Variants in FBH1 observed in about 807,000 individuals in gnomAD.
The protein encoded by FBH1 is DNA 3'-5' helicase 1.
A neutral mutation model predicts 115.5 loss-of-function variants in FBH1; 43 were observed. The ratio of observed to expected loss-of-function variants is 0.37; its 90% CI spans 0.29 to 0.48. FBH1 has a LOEUF of 0.48. FBH1 is among the 20% of genes least tolerant of loss of function. FBH1 has a pLI of 0.99. For missense variants in FBH1, 1,001 were observed against 1,337.3 expected (o/e 0.75, Z 3.92); for synonymous variants, 524 against 507.8 (o/e 1.03, Z -0.43).
chr10:5,894,964 A>T, intron 1 of FBH1: 2 of 1,498,194 alleles, frequency 1.3e-6, no homozygotes, highest in South Asian at 1.3e-5. Context: ...ATTCCTGCGA[A>T]GTGCTTCCTG....
rs952644621 is a variant in FBH1, at chr10:5,914,373, C to A, written c.1396+104C>A. ...GGGCATCTTTGCTCTGATCTGTCAT[C>A]CAACTAATAATTCAATAACAGATCA... On this transcript the variant is annotated intron_variant, in intron 8 of 20. Transcript: ENST00000362091. The surrounding 1 kb of genome is among the most constrained non-coding windows in gnomAD (Gnocchi z 5.2). 3 of 930,352 alleles carry A rather than the reference C, an allele frequency of 3.2e-6. No individual in the cohort carries two copies. The highest frequency in any genetic ancestry group is 1.6e-5 in the African/African-American group (1 of 60,646). 57.6% of individuals were successfully genotyped at this position (930,352 alleles called of 1,614,324 possible).
intron 1 of FBH1, among the ~76,000 whole-genome samples, chr10:5,893,579 G>T (rs533088713): frequency 2.0e-5 from 3 of 152,224 alleles, no homozygotes; most frequent in African/African-American, 7.2e-5. Flanking sequence ...CCGCCTTACT[G>T]AATCCCATGA....
intron 13 of FBH1, among the ~76,000 whole-genome samples, chr10:5,919,260 C>G (rs1190195627): frequency 6.6e-6 from 1 of 152,132 alleles, no homozygotes; most frequent in Non-Finnish European, 1.5e-5. Context: ...CCAAGAAGGA[C>G]AGATCACTTG....
At chr10:5,899,844 A>G (rs1843232601) in intron 1 of FBH1, among the ~76,000 whole-genome samples, 1 of 152,262 alleles carries the variant, frequency 6.6e-6, no homozygotes, top group African/African-American at 2.4e-5. Context: ...TTTTAAAAAG[A>G]GAACAACAAG....
chr10:5,919,886 A>G (rs1487665898), intron 13 of FBH1, among the ~76,000 whole-genome samples: 1 of 152,200 alleles, frequency 6.6e-6, no homozygotes, highest in African/African-American at 2.4e-5. Flanking sequence ...GAGTTCCCAT[A>G]TATCCTGTAC....
At position 5,911,082 on chromosome 10, in the gene FBH1, G is replaced by C. The variant is rs762327572; in HGVS notation, c.1165G>C (p.Val389Leu). Residue 389 changes from valine to leucine, a missense_variant, in exon 6 of 21, where the codon GTG (valine) becomes CTG (leucine). Physicochemically the swap from Val to Leu is conservative, Grantham distance 32. This residue lies in a region of FBH1 where 59 missense variants were observed against 79.7 expected (regional missense o/e 0.74). Coordinates refer to ENST00000362091, the MANE Select transcript of FBH1 (RefSeq NM_178150.3). The surrounding 1 kb of genome is among the most constrained non-coding windows in gnomAD (Gnocchi z 5.4). ...DVTETLYCIA[V>L]LLYAMREKGI... ...CACCGAGACCCTGTACTGCATAGCC[G>C]TGCTTCTCTACGCCATGAGGGAGAA... 48 of 1,613,436 alleles carry C rather than the reference G, an allele frequency of 3.0e-5. No individual in the cohort carries two copies. Among genetic ancestry groups the C allele is most frequent in the Admixed American group, 6.7e-5 (4 of 59,976 alleles).
In FBH1 at chr10:5,927,429, G is replaced by T. The variant is rs970204662; in HGVS notation, c.2723-6G>T. On this transcript the variant is annotated splice_region_variant and splice_polypyrimidine_tract_variant and intron_variant, in intron 18 of 20. Transcript: ENST00000362091. Reference sequence around the variant, plus strand: ...AGTTGATTTTTTTCCCCTTTACTTTGTTTAGAGTCATTTTCTGAGGATGAA... The same window carrying T: ...AGTTGATTTTTTTCCCCTTTACTTTTTTTAGAGTCATTTTCTGAGGATGAA... 2 of 1,606,056 alleles carry T rather than the reference G, an allele frequency of 1.2e-6. No homozygotes were observed. Among genetic ancestry groups the T allele is most frequent in the South Asian group, 2.2e-5 (2 of 89,838 alleles).
rs1832147272 is a variant in FBH1 at position 5,918,959 on chromosome 10, C to T, written c.2100+481C>T. Among the ~76,000 whole-genome samples, 1 of 152,224 alleles carries T rather than the reference C, an allele frequency of 6.6e-6. No homozygotes were observed. Among genetic ancestry groups the T allele is most frequent in the Non-Finnish European group, 1.5e-5 (1 of 68,038 alleles). On this transcript the variant is annotated intron_variant, in intron 13 of 20. Transcript: ENST00000362091. This position sits in a 1 kb window ranked among gnomAD's most constrained non-coding sequence, Gnocchi z 4.0. Reference sequence around the variant, plus strand: ...GATTATGCGAAAAGTTTATTATGCGCTCCTTCCTTTCCAATCACATGTCTG... The same window carrying T: ...GATTATGCGAAAAGTTTATTATGCGTTCCTTCCTTTCCAATCACATGTCTG...
At position 5,906,758 on chromosome 10, in the gene FBH1, C is replaced by T; in HGVS notation, c.753+126C>T. 2 of 769,324 alleles carry T rather than the reference C, an allele frequency of 2.6e-6. No homozygotes were observed. Among genetic ancestry groups the T allele is most frequent in the Non-Finnish European group, 4.1e-6 (2 of 486,674 alleles). The allele number at this position is 769,324 out of a possible 1,614,324, so 47.7% of individuals were successfully genotyped here. ...TTGCCTTCAGAAGACATTCAGACTC[C>T]TTAGAGGCATTTAAGGCCTTCCGTG... On this transcript the variant is annotated intron_variant, in intron 3 of 20. Coordinates refer to ENST00000362091, the MANE Select transcript of FBH1 (RefSeq NM_178150.3). This position sits in a 1 kb window ranked among gnomAD's most constrained non-coding sequence, Gnocchi z 7.3.
In FBH1 at chr10:5,896,463, G is replaced by A. The variant is rs532215738; in HGVS notation, c.1+6117G>A. 3.9e-5 allele frequency among the ~76,000 whole-genome samples: 6 copies of A among 152,286 alleles called. No individual in the cohort carries two copies. In the East Asian group the frequency reaches 5.8e-4, roughly 15 times the overall value. On this transcript the variant is annotated intron_variant, in intron 1 of 20. Coordinates refer to ENST00000362091, the MANE Select transcript of FBH1 (RefSeq NM_178150.3). ...AGAGAAGTCACACTGTTAGAAAGCC[G>A]TCACAGAAAAGGCAGTGTGGGAATG...
chr10:5,893,135 A>G (rs144156168), intron 1 of FBH1, among the ~76,000 whole-genome samples: 3 of 152,278 alleles, frequency 2.0e-5, no homozygotes, highest in East Asian at 1.9e-4. Flanking sequence ...GTGAAATCCT[A>G]TCTCTACTAA....
intron 1 of FBH1, among the ~76,000 whole-genome samples, chr10:5,901,061 TGCTCCA>T (rs2131872877): frequency 6.6e-6 from 1 of 152,128 alleles, no homozygotes; most frequent in Non-Finnish European, 1.5e-5. Context: ...TGTGTCACTG[TGCTCCA>T]GCCTAAGCAA....
chr10:5,917,334 G>C lies in FBH1; in HGVS notation c.1789-86G>C. On this transcript the variant is annotated intron_variant, in intron 10 of 20. Transcript: ENST00000362091. The surrounding 1 kb of genome is among the most constrained non-coding windows in gnomAD (Gnocchi z 5.6). The stretch of plus-strand genomic sequence containing the variant: ...TCTGTGAGGATGCCCTGGCTCCACT[G>C]CTGTATGGGAGTTGACAGTGTGACC... The C allele has an allele frequency of 1.8e-6, 2 of 1,111,534 alleles. No homozygotes were observed. Among genetic ancestry groups the C allele is most frequent in the Non-Finnish European group, 2.7e-6 (2 of 738,894 alleles). 68.9% of individuals were successfully genotyped at this position (1,111,534 alleles called of 1,614,324 possible). A position where few individuals can be genotyped will look rare whatever the true frequency, so the allele number is the denominator to read the frequency against.
At chr10:5,898,443 C>T (rs1394805335) in intron 1 of FBH1, among the ~76,000 whole-genome samples, 1 of 151,086 alleles carries the variant, frequency 6.6e-6, no homozygotes, top group East Asian at 1.9e-4. Flanking sequence ...CACAATCTCT[C>T]TCCATTGTCC....
At chr10:5,937,029 A>T in intron 20 of FBH1, 81 bp from the exon 21 acceptor site, 2 of 1,463,076 alleles carry the variant, frequency 1.4e-6, no homozygotes, top group East Asian at 2.3e-5. Flanking sequence ...GGCAGCTGTG[A>T]TGATAACTCC....
In FBH1 at chr10:5,911,182, C is replaced by A; in HGVS notation, c.1211+54C>A. 1 of 1,540,270 alleles carries A rather than the reference C, an allele frequency of 6.5e-7. No individual in the cohort carries two copies. The highest frequency in any genetic ancestry group is 8.8e-7 in the Non-Finnish European group (1 of 1,133,618). ...GCTGTGATAATGGGAGAGTCCCAGA[C>A]ACAGCAGCAGGTCCAGCCCTGCCAC... On this transcript the variant is annotated intron_variant, in intron 6 of 20. Coordinates refer to ENST00000362091, the MANE Select transcript of FBH1 (RefSeq NM_178150.3). The surrounding 1 kb of genome is among the most constrained non-coding windows in gnomAD (Gnocchi z 5.4).
rs73616445 is a variant in FBH1, at chr10:5,915,240, C to T, written c.1397-163C>T. ...AGCCCACCTTCACCTGGCTTTGAAT[C>T]TGCTGCTCTTTTGGTGGCACTACTT... On this transcript the variant is annotated intron_variant, in intron 8 of 20. Coordinates refer to ENST00000362091, the MANE Select transcript of FBH1 (RefSeq NM_178150.3). The surrounding 1 kb of genome is among the most constrained non-coding windows in gnomAD (Gnocchi z 5.2). 2.3e-3 allele frequency among the ~76,000 whole-genome samples: 355 copies of T among 152,332 alleles called. 4 individuals carry two copies. The highest frequency in any genetic ancestry group is 7.7e-3 in the African/African-American group (320 of 41,566).
Position 5,936,960 on chromosome 10 carries a change from T to C in FBH1, c.2962-150T>C. 1 of 831,060 alleles carries C rather than the reference T, an allele frequency of 1.2e-6. No homozygotes were observed. The highest frequency in any genetic ancestry group is 1.8e-6 in the Non-Finnish European group (1 of 542,870). 51.5% of individuals were successfully genotyped at this position (831,060 alleles called of 1,614,324 possible). A position where few individuals can be genotyped will look rare whatever the true frequency, so the allele number is the denominator to read the frequency against. On this transcript the variant is annotated intron_variant, in intron 20 of 20. Transcript: ENST00000362091. This position sits in a 1 kb window ranked among gnomAD's most constrained non-coding sequence, Gnocchi z 5.6. The stretch of plus-strand genomic sequence containing the variant: ...ACCTAGTTGGTGGTGCTGTGGGAGG[T>C]GTTACTCTGAGGATGTGCACCCCTC...
At position 5,906,024 on chromosome 10, in the gene FBH1, GT is replaced by G; in HGVS notation, c.158-11del. 1 of 1,584,908 alleles carries G rather than the reference GT, an allele frequency of 6.3e-7. No homozygotes were observed. Among genetic ancestry groups the G allele is most frequent in the Middle Eastern group, 1.7e-4 (1 of 5,972 alleles). On this transcript the variant is annotated splice_polypyrimidine_tract_variant and intron_variant, in intron 2 of 20. Coordinates refer to ENST00000362091, the MANE Select transcript of FBH1 (RefSeq NM_178150.3). The surrounding 1 kb of genome is among the most constrained non-coding windows in gnomAD (Gnocchi z 7.3). ...TTCATTTCTTGTCCATCCTGTTTGGGTTCTCTCTACAGGTCAGGGAAGTCAA... is the reference window on the plus strand; with the variant it reads ...TTCATTTCTTGTCCATCCTGTTTGGGTCTCTCTACAGGTCAGGGAAGTCAA...
Sources: allele counts gnomAD v4.1 joint callset (sites outside exome capture counted in the v4.1 genomes callset), GRCh38; gene constraint gnomAD v4.1.1; regional missense constraint gnomAD v4.1.1; non-coding constraint Gnocchi (gnomAD v3.1); transcripts MANE v1.5; gene names NCBI Gene and HGNC (gene_info 2026-07-23, HGNC 2026-07-21).